The following NOTCH1 variants were observed in gnomAD, a reference collection of about 807,000 sequenced individuals.
The protein encoded by NOTCH1 is neurogenic locus notch homolog protein 1.
NOTCH1 carries 37 observed loss-of-function variants against 254.8 expected under a neutral mutation model. That is an observed-to-expected ratio of 0.15 (90% confidence interval 0.11 to 0.19). The LOEUF (loss-of-function observed/expected upper bound fraction) is 0.19, where lower values mean the gene tolerates loss of function less well. Among genes scored for constraint, NOTCH1 ranks in the 10% least tolerant of loss-of-function variants. The pLI is 1.00. For missense variants in NOTCH1, 2,972 were observed against 3,708.6 expected, an observed-to-expected ratio of 0.80 and a Z score of 5.16; for synonymous variants, 1,731 against 1,618.1, an observed-to-expected ratio of 1.07 and a Z score of -1.68.
intron 2 of NOTCH1, among the ~76,000 whole-genome samples, chr9:136,534,861 A>AC (rs1843618004): frequency 4.4e-5 from 2 of 45,588 alleles, no homozygotes; most frequent in African/African-American, 9.2e-5. Flanking sequence ...CTCCCCACAG[A>AC]GCCCCCAGTC....
chr9:136,530,395 C>G (rs747875612), intron 2 of NOTCH1, among the ~76,000 whole-genome samples: 8 of 152,250 alleles, frequency 5.3e-5, no homozygotes, highest in Non-Finnish European at 4.4e-5. Context: ...CGGGAAGCTA[C>G]CTTTCCCGCA....
chr9:136,512,923 C>CCTCCT, intron 15 of NOTCH1, 98 bp downstream of exon 15: 1 of 373,628 alleles, frequency 2.7e-6, no homozygotes, highest in Admixed American at 3.0e-5. Context: ...ACCCCTGGCC[C>CCTCCT]CACCCTCTCC....
At position 136,499,140 on chromosome 9, in the gene NOTCH1, G is replaced by T. The variant is rs202198360; in HGVS notation, c.6054C>A (p.His2018Gln). 6.2e-7 allele frequency: 1 copy of T among 1,613,268 alleles called. No individual in the cohort carries two copies. Among genetic ancestry groups the T allele is most frequent in the East Asian group, 2.2e-5 (1 of 44,866 alleles). ...EGMLEDLINSHADVNAVDDLG... is the reference protein window; with the variant it reads ...EGMLEDLINSQADVNAVDDLG... ...GGTCATCTACGGCGTTGACGTCGGCGTGTGAGTTGATGAGGTCCTCCAGCA... is the reference window on the plus strand; with the variant it reads ...GGTCATCTACGGCGTTGACGTCGGCTTGTGAGTTGATGAGGTCCTCCAGCA... The change falls in exon 32 of 34, where the codon CAC becomes CAA. Residue 2018 changes from histidine to glutamine, a missense_variant. Coordinates refer to ENST00000651671, the MANE Select transcript of NOTCH1 (RefSeq NM_017617.5).
At chr9:136,502,123 G>A (rs145724166) in intron 28 of NOTCH1, 35 bp from the exon 29 acceptor site, 20 of 1,610,216 alleles carry the variant, frequency 1.2e-5, no homozygotes, top group South Asian at 1.1e-4. Context: ...GAGGCTGAGC[G>A]AGCTCCCTAG....
rs915916687 is a variant in NOTCH1, at chr9:136,504,622, A to G, written c.5018+51T>C. ...GTGAGGGGCAGGGAGGCCGTCGGGG[A>G]GGGCCCAGGAGAGTTGCGGGGATTG... On this transcript the variant is annotated intron_variant, in intron 26 of 33. Transcript: ENST00000651671. The G allele has an allele frequency of 4.8e-6, 7 of 1,444,708 alleles. No homozygotes were observed. The Admixed American group carries it at 1.1e-4, about 22-fold the overall frequency. 89.5% of individuals were successfully genotyped at this position (1,444,708 alleles called of 1,614,324 possible).
rs775812729 is a variant in NOTCH1, at chr9:136,544,098, C to G, written c.66G>C (p.Pro22=). 26 of 1,572,540 alleles carry G rather than the reference C, an allele frequency of 1.7e-5. No homozygotes were observed. Among genetic ancestry groups the G allele is most frequent in the Non-Finnish European group, 2.2e-5 (25 of 1,160,166 alleles). The change falls in exon 2 of 34, where the codon CCG becomes CCC. Residue 22 remains proline, a synonymous_variant. Coordinates refer to ENST00000651671, the MANE Select transcript of NOTCH1 (RefSeq NM_017617.5). ...ALLPALAARG[P]RCSQPGETCL... is the part of the protein sequence containing the mutation. ...AGGTCTCACCGGGCTGGGAGCATCG[C>G]GGGCCTAGGCAGGGGCAGGAGAAGA...
intron 13 of NOTCH1, among the ~76,000 whole-genome samples, chr9:136,514,062 G>A (rs978723609): frequency 3.3e-5 from 5 of 152,178 alleles, no homozygotes; most frequent in African/African-American, 1.2e-4. Flanking sequence ...CAAGTGCAGG[G>A]CAGTAGGGTG....
chr9:136,525,377 T>C (rs1165852450), intron 2 of NOTCH1, among the ~76,000 whole-genome samples: 1 of 151,918 alleles, frequency 6.6e-6, no homozygotes, highest in Non-Finnish European at 1.5e-5. Flanking sequence ...CCCAGTCACC[T>C]CCTGGCCTTG....
In NOTCH1 at chr9:136,522,890, G is replaced by A. The variant is rs1392150131; in HGVS notation, c.702C>T (p.Arg234=). 3.9e-6 allele frequency: 6 copies of A among 1,533,716 alleles called. No homozygotes were observed. The East Asian group carries it at 1.5e-4, about 37-fold the overall frequency. ...ACTCGTGGGTGACGTCGCCCGTGGG[G>A]CGGCAGGTGCCCCCGTTCTGGCAGG... ...PSPCQNGGTC[R]PTGDVTHECA... Residue 234 remains arginine, a synonymous_variant, in exon 4 of 34, where the codon CGC becomes CGT. Transcript: ENST00000651671.
In NOTCH1 at chr9:136,545,448, C is replaced by A. The variant is rs1843801267; in HGVS notation, c.61+278G>T. On this transcript the variant is annotated intron_variant, in intron 1 of 33. Transcript: ENST00000651671. This position sits in a 1 kb window ranked among gnomAD's most constrained non-coding sequence, Gnocchi z 6.8. ...ACGCGCGGCGGGTGAAGGGCGGGCC[C>A]GGAGTAGGGCCTCCGGGGCCCCAGC... Among the ~76,000 whole-genome samples, 1 of 151,624 alleles carries A rather than the reference C, an allele frequency of 6.6e-6. No individual in the cohort carries two copies. Among genetic ancestry groups the A allele is most frequent in the Non-Finnish European group, 1.5e-5 (1 of 67,826 alleles).
chr9:136,514,968 G>A (rs1242847883), intron 12 of NOTCH1, among the ~76,000 whole-genome samples: 1 of 152,196 alleles, frequency 6.6e-6, no homozygotes, highest in Non-Finnish European at 1.5e-5. Flanking sequence ...GAGGCAGAGG[G>A]ACCTGCTCAA....
In NOTCH1 at chr9:136,505,456, G is replaced by A. The variant is rs1316866002; in HGVS notation, c.4440C>T (p.Ser1480=). ...HACGWDGGDC[S]LNFNDPWKNC... ...TCTTCCAGGGGTCATTGAAGTTGAGGGAGCAGTCACCGCCGTCCCAGCCGC... is the reference window on the plus strand; with the variant it reads ...TCTTCCAGGGGTCATTGAAGTTGAGAGAGCAGTCACCGCCGTCCCAGCCGC... The change falls in exon 25 of 34, where the codon TCC becomes TCT. Residue 1480 remains serine (S), a synonymous_variant. Coordinates refer to ENST00000651671, the MANE Select transcript of NOTCH1 (RefSeq NM_017617.5). The A allele has an allele frequency of 6.2e-7, 1 of 1,612,860 alleles. No homozygotes were observed.
intron 3 of NOTCH1, among the ~76,000 whole-genome samples, 162 bp downstream of exon 3, chr9:136,523,555 G>A (rs907748257): frequency 9.2e-5 from 14 of 152,302 alleles, no homozygotes; most frequent in African/African-American, 2.2e-4. Context: ...AAAACGAGGC[G>A]ATTCCAGGTC....
At chr9:136,514,839 G>T in intron 12 of NOTCH1, 137 bp from the exon 13 acceptor site, 2 of 959,702 alleles carry the variant, frequency 2.1e-6, no homozygotes, top group Non-Finnish European at 3.2e-6. Flanking sequence ...AACCATCTTG[G>T]ATCACAATGT....
intron 17 of NOTCH1, 115 bp downstream of exon 17, chr9:136,510,538 G>A (rs1195387613): frequency 1.4e-6 from 2 of 1,397,426 alleles, no homozygotes; most frequent in Non-Finnish European, 2.0e-6. Flanking sequence ...ACCCTCCCCG[G>A]CCACACTCCG....
At chr9:136,508,756 TG>T (rs1843129286) in intron 19 of NOTCH1, 113 bp downstream of exon 19, 10 of 1,092,240 alleles carry the variant, frequency 9.2e-6, no homozygotes, top group Admixed American at 2.3e-5. Flanking sequence ...CCCGGGGGTG[TG>T]GGGGTGACCC....
chr9:136,509,677 T>A (rs1429269762), intron 18 of NOTCH1, 56 bp downstream of exon 18: 2 of 1,531,226 alleles, frequency 1.3e-6, no homozygotes, highest in East Asian at 4.5e-5. Flanking sequence ...TGCCAGCTAC[T>A]GCGTGTGGCC....
At position 136,501,893 on chromosome 9, in the gene NOTCH1, C is replaced by G. The variant is rs2133329238; in HGVS notation, c.5493G>C (p.Leu1831=). Reference sequence around the variant, plus strand: ...GGTCTGTCTGGTCGTCCAGGTCAGGCAGAACCACGGGCTCCTCGAACTACA... The same window carrying G: ...GGTCTGTCTGGTCGTCCAGGTCAGGGAGAACCACGGGCTCCTCGAACTACA... ...KKFRFEEPVV[L]PDLDDQTDHR... The change falls in exon 30 of 34, where the codon CTG becomes CTC. Residue 1831 remains leucine (L), a synonymous_variant. Coordinates refer to ENST00000651671, the MANE Select transcript of NOTCH1 (RefSeq NM_017617.5). The G allele has an allele frequency of 6.2e-7, 1 of 1,612,080 alleles. No homozygotes were observed. The highest frequency in any genetic ancestry group is 8.5e-7 in the Non-Finnish European group (1 of 1,179,964).
Position 136,506,699 on chromosome 9 carries a change from C to T in NOTCH1, c.3901+17G>A. On this transcript the variant is annotated intron_variant, in intron 23 of 33. Coordinates refer to ENST00000651671, the MANE Select transcript of NOTCH1 (RefSeq NM_017617.5). The surrounding 1 kb of genome is among the most constrained non-coding windows in gnomAD (Gnocchi z 4.5). ...CTGCTGCCCCACACGCCCCACCCGC[C>T]TGGGCGCGGCACCCACCGGTGTGAC... The T allele has an allele frequency of 1.3e-6, 2 of 1,596,504 alleles. No homozygotes were observed. Among genetic ancestry groups the T allele is most frequent in the Non-Finnish European group, 1.7e-6 (2 of 1,172,306 alleles).
Sources: allele counts gnomAD v4.1 joint callset (sites outside exome capture counted in the v4.1 genomes callset), GRCh38; gene constraint gnomAD v4.1.1; non-coding constraint Gnocchi (gnomAD v3.1); transcripts MANE v1.5; gene names NCBI Gene and HGNC (gene_info 2026-07-23, HGNC 2026-07-21).